The following KALRN variants were observed in gnomAD, a reference collection of about 807,000 sequenced individuals.
The protein encoded by KALRN is kalirin.
In KALRN, 70 loss-of-function variants were observed where a neutral mutation model predicts 353.7. That is an observed-to-expected ratio of 0.20 (90% confidence interval 0.16 to 0.24). The LOEUF (loss-of-function observed/expected upper bound fraction) is 0.24, where lower values mean the gene tolerates loss of function less well. Among genes scored for constraint, KALRN ranks in the 10% least tolerant of loss-of-function variants. The probability of loss-of-function intolerance (pLI) is 1.00; values close to 1 mark genes in which losing one functional copy is unlikely to be tolerated. For missense variants in KALRN, 2,791 were observed against 3,756.7 expected (o/e 0.74, Z 6.72); for synonymous variants, 1,391 against 1,434.8 (o/e 0.97, Z 0.69).
rs1385592953 is a variant in KALRN, at chr3:124,191,142, A to T, written c.74-36848A>T. Among the ~76,000 whole-genome samples, 3 of 152,196 alleles carry T rather than the reference A, an allele frequency of 2.0e-5. No homozygotes were observed. In the South Asian group the frequency reaches 6.2e-4, roughly 32 times the overall value. ...GCAAGGCATGTGGGAAATAGTTTCT[A>T]TGTCATTTCTGGGTGTGCCACCCTT... On this transcript the variant is annotated intron_variant, in intron 1 of 59. Coordinates refer to ENST00000682506, the MANE Select transcript of KALRN (RefSeq NM_001388419.1).
chr3:124,186,682 A>G (rs2074265716), intron 1 of KALRN, among the ~76,000 whole-genome samples: 1 of 152,118 alleles, frequency 6.6e-6, no homozygotes, highest in Non-Finnish European at 1.5e-5. Context: ...GCTAAGGCCA[A>G]TAAACATGTT....
In KALRN at chr3:124,455,243, C is replaced by T; in HGVS notation, c.3619C>T (p.His1207Tyr). ...TAGCTTTGTGGAAAAAGGCCACATT[C>T]ATGCCACGGAGATAAGGAAATGGGT... ...ADSFVEKGHI[H>Y]ATEIRKWVTT... The change falls in exon 22 of 60, where the codon CAT becomes TAT. Residue 1207 changes from histidine to tyrosine, a missense_variant. Physicochemically the swap from His to Tyr is moderately conservative, Grantham distance 83 (BLOSUM62 2). Around this residue, in one of 11 missense-constraint regions of KALRN, gnomAD observed 268 missense variants for 347.0 expected, o/e 0.77. Coordinates refer to ENST00000682506, the MANE Select transcript of KALRN (RefSeq NM_001388419.1). The T allele has an allele frequency of 6.2e-7, 1 of 1,614,174 alleles. No homozygotes were observed. The highest frequency in any genetic ancestry group is 8.5e-7 in the Non-Finnish European group (1 of 1,180,010).
rs561670897 is a variant in KALRN at position 124,480,297 on chromosome 3, G to A, written c.4192-2511G>A. 3.3e-5 allele frequency among the ~76,000 whole-genome samples: 5 copies of A among 152,314 alleles called. No homozygotes were observed. The East Asian group carries it at 9.6e-4, about 29-fold the overall frequency. On this transcript the variant is annotated intron_variant, in intron 27 of 59. Transcript: ENST00000682506. ...CTTGCAAGTACACACCTCTGGGAAAGAGGCAAATGGTGACAAAATTGCTAC... is the reference window on the plus strand; with the variant it reads ...CTTGCAAGTACACACCTCTGGGAAAAAGGCAAATGGTGACAAAATTGCTAC...
chr3:124,110,380 A>G (rs146656140), intron 1 of KALRN, among the ~76,000 whole-genome samples: 4 of 137,316 alleles, frequency 2.9e-5, no homozygotes, highest in Non-Finnish European at 4.9e-5. Flanking sequence ...TATATATCAT[A>G]CTTTGATATA....
At chr3:124,036,269 A>G (rs571109292) in intron 1 of KALRN, among the ~76,000 whole-genome samples, 1 of 151,894 alleles carries the variant, frequency 6.6e-6, no homozygotes, top group Admixed American at 6.6e-5. Context: ...CTTTGTGTCC[A>G]TGTGTTTTCA....
intron 33 of KALRN, among the ~76,000 whole-genome samples, chr3:124,522,844 T>C (rs1001553528): frequency 6.6e-6 from 1 of 152,172 alleles, no homozygotes; most frequent in Non-Finnish European, 1.5e-5. Context: ...TCAAAGTAGT[T>C]ATCCTTAAAC....
intron 57 of KALRN, among the ~76,000 whole-genome samples, chr3:124,707,253 G>A (rs2062667659): frequency 6.6e-6 from 1 of 152,164 alleles, no homozygotes; most frequent in Admixed American, 6.6e-5. Context: ...TGAGGTGGGA[G>A]GATTGCTTGA....
chr3:124,459,423 A>G (rs1314915998), intron 23 of KALRN, among the ~76,000 whole-genome samples: 1 of 152,236 alleles, frequency 6.6e-6, no homozygotes, highest in Non-Finnish European at 1.5e-5. Flanking sequence ...GCCAGAATTC[A>G]TTTAGTGAGC....
chr3:124,649,965 A>AATAAT (rs2083229855), intron 37 of KALRN, among the ~76,000 whole-genome samples: 1 of 143,506 alleles, frequency 7.0e-6, no homozygotes, highest in African/African-American at 2.6e-5. Context: ...CTCTAAAATA[A>AATAAT]AATAATAATA....
At position 124,645,808 on chromosome 3, in the gene KALRN, C is replaced by T. The variant is rs558855928; in HGVS notation, c.5665-5000C>T. 2.2e-4 allele frequency among the ~76,000 whole-genome samples: 34 copies of T among 152,120 alleles called. No homozygotes were observed. The South Asian group carries it at 6.2e-3, about 28-fold the overall frequency. On this transcript the variant is annotated intron_variant, in intron 37 of 59. Coordinates refer to ENST00000682506, the MANE Select transcript of KALRN (RefSeq NM_001388419.1). ...AGAAAAGCTGACTTCATTACCTTTG[C>T]GTATATACCCAGAAGAGGGATTATT... is the stretch of plus-strand genomic sequence containing the variant.
intron 11 of KALRN, among the ~76,000 whole-genome samples, chr3:124,385,630 C>A (rs915645600): frequency 3.3e-5 from 5 of 152,120 alleles, no homozygotes; most frequent in African/African-American, 1.2e-4. Context: ...GAGATGCCCT[C>A]CACCAAGGAA....
At chr3:124,094,079 A>G (rs919892723) in intron 1 of KALRN, 1 of 152,380 alleles carries the variant, frequency 6.6e-6, no homozygotes, top group African/African-American at 2.4e-5. Context: ...GAGGCTCACA[A>G]ATACTGTTCT....
At position 124,053,777 on chromosome 3, in the gene KALRN, G is replaced by T. The variant is rs187957774; in HGVS notation, c.73+19964G>T. Reference sequence around the variant, plus strand: ...TGGATATGAATGTATGTGCTCCTTTGATCATGTTGGGTTCTTGACACAATG... The same window carrying T: ...TGGATATGAATGTATGTGCTCCTTTTATCATGTTGGGTTCTTGACACAATG... On this transcript the variant is annotated intron_variant, in intron 1 of 59. Transcript: ENST00000682506. Among the ~76,000 whole-genome samples the T allele has an allele frequency of 3.3e-5, 5 of 152,306 alleles. No individual in the cohort carries two copies. In the East Asian group the frequency reaches 9.6e-4, roughly 29 times the overall value.
intron 34 of KALRN, among the ~76,000 whole-genome samples, chr3:124,591,414 A>G (rs2149360560): frequency 6.6e-6 from 1 of 152,308 alleles, no homozygotes; most frequent in Middle Eastern, 3.4e-3. Flanking sequence ...CTGAGGTTAC[A>G]GGTGTGAGCC....
intron 3 of KALRN, among the ~76,000 whole-genome samples, chr3:124,243,456 C>T (rs927905867): frequency 4.6e-5 from 7 of 152,158 alleles, no homozygotes; most frequent in Non-Finnish European, 1.0e-4. Flanking sequence ...CTGGTTATTC[C>T]AGGAACCAGT....
intron 59 of KALRN, among the ~76,000 whole-genome samples, chr3:124,717,694 CAAA>C (rs1246724012): frequency 6.7e-6 from 1 of 149,342 alleles, no homozygotes; most frequent in African/African-American, 2.5e-5. Flanking sequence ...AGACTCCCTT[CAAA>C]AAAAAGAAGT....
At chr3:124,059,884 A>G (rs2041859427) in intron 1 of KALRN, among the ~76,000 whole-genome samples, 2 of 152,314 alleles carry the variant, frequency 1.3e-5, no homozygotes, top group South Asian at 4.1e-4. Flanking sequence ...CAAAAATTTA[A>G]AAATTCACAT....
intron 1 of KALRN, chr3:124,094,581 G>T: frequency 1.9e-6 from 1 of 535,724 alleles, no homozygotes; most frequent in East Asian, 3.1e-5. Context: ...ACGCATCTCC[G>T]ACCTCCCCTT....
chr3:124,599,418 AT>A (rs966936334), intron 34 of KALRN, among the ~76,000 whole-genome samples: 1 of 152,126 alleles, frequency 6.6e-6, no homozygotes, highest in Non-Finnish European at 1.5e-5. Context: ...TCTCGTCATA[AT>A]TATGTTGGCA....
Sources: gnomAD v4.1 joint callset for allele counts (sites outside exome capture counted in the v4.1 genomes callset) on GRCh38, gnomAD v4.1.1 for gene constraint, gnomAD v4.1.1 regional missense constraint, MANE v1.5 for transcripts, NCBI Gene and HGNC (gene_info 2026-07-23, HGNC 2026-07-21) for gene names.